KIF21A: variants seen among roughly 807,000 people sequenced by gnomAD.
KIF21A encodes the protein kinesin-like protein KIF21A.
Under a neutral mutation model 202.9 loss-of-function variants are expected in KIF21A, and 114 were observed. The ratio of observed to expected loss-of-function variants is 0.56; its 90% CI spans 0.48 to 0.66. The LOEUF (loss-of-function observed/expected upper bound fraction) is 0.66, where lower values mean the gene tolerates loss of function less well. Ranked by LOEUF, KIF21A falls within the 30% of genes least tolerant of loss-of-function variation. The pLI is 0.00. For missense variants in KIF21A, 1,677 were observed against 1,994.9 expected (o/e 0.84, Z 3.04); for synonymous variants, 667 against 670.8 (o/e 0.99, Z 0.09).
At position 39,442,893 on chromosome 12, in the gene KIF21A, C is replaced by T; in HGVS notation, c.44+34G>A. 3 of 1,522,624 alleles carry T rather than the reference C, an allele frequency of 2.0e-6. No homozygotes were observed. The highest frequency in any genetic ancestry group is 2.6e-6 in the Non-Finnish European group (3 of 1,141,638). The allele number at this position is 1,522,624 out of a possible 1,614,324, so 94.3% of individuals were successfully genotyped here. On this transcript the variant is annotated intron_variant, in intron 1 of 37. Transcript: ENST00000361418. The surrounding 1 kb of genome is among the most constrained non-coding windows in gnomAD (Gnocchi z 5.0). ...GGTCCTTGCCGCGCCCTCAACCCGCCGCCCGCCGCCCGCCGCCGGCAGACT... is the reference window on the plus strand; with the variant it reads ...GGTCCTTGCCGCGCCCTCAACCCGCTGCCCGCCGCCCGCCGCCGGCAGACT...
chr12:39,331,864 C>A, intron 21 of KIF21A, 73 bp from the exon 22 acceptor site: 2 of 1,114,612 alleles, frequency 1.8e-6, no homozygotes, highest in South Asian at 2.5e-5. Context: ...TATTGTTTCA[C>A]ATATTTATTT....
At chr12:39,305,839 A>G (rs1049056843) in intron 34 of KIF21A, among the ~76,000 whole-genome samples, 3 of 152,252 alleles carry the variant, frequency 2.0e-5, no homozygotes, top group Admixed American at 6.5e-5. Context: ...AATCAGTAAC[A>G]ATACTGAGAA....
At chr12:39,294,611 C>T (rs774464463) in intron 37 of KIF21A, 94 bp from the exon 38 acceptor site, 3 of 925,456 alleles carry the variant, frequency 3.2e-6, no homozygotes, top group Non-Finnish European at 5.2e-6. Context: ...ATATTTTCTA[C>T]ATAGGTCTTC....
At chr12:39,319,197 C>T (rs1944929515) in intron 28 of KIF21A, among the ~76,000 whole-genome samples, 1 of 152,166 alleles carries the variant, frequency 6.6e-6, no homozygotes, top group South Asian at 2.1e-4. Context: ...AATGTAAATT[C>T]GCATAAATGC....
chr12:39,440,564 T>A (rs1371416282), intron 1 of KIF21A, among the ~76,000 whole-genome samples: 1 of 152,196 alleles, frequency 6.6e-6, no homozygotes, highest in Non-Finnish European at 1.5e-5. Flanking sequence ...GAAATCAGGA[T>A]AACAGAGACG....
At chr12:39,302,898 G>A in intron 36 of KIF21A, 67 bp downstream of exon 36, 1 of 1,338,800 alleles carries the variant, frequency 7.5e-7, no homozygotes. Flanking sequence ...AGCTCTTCAA[G>A]TTCTTCTACA....
intron 32 of KIF21A, among the ~76,000 whole-genome samples, chr12:39,310,435 T>C (rs1056175813): frequency 3.9e-5 from 6 of 152,010 alleles, no homozygotes; most frequent in Non-Finnish European, 7.4e-5. Context: ...GCAATAAATA[T>C]TTGCTGATTA....
rs2136956777 is a variant in KIF21A at position 39,293,959 on chromosome 12, C to G, written c.*465G>C. 6.1e-6 allele frequency: 1 copy of G among 165,196 alleles called. No homozygotes were observed. Among genetic ancestry groups the G allele is most frequent in the South Asian group, 1.7e-4 (1 of 5,996 alleles). The allele number at this position is 165,196 out of a possible 1,614,324, so 10.2% of individuals were successfully genotyped here. A position where few individuals can be genotyped will look rare whatever the true frequency, so the allele number is the denominator to read the frequency against. ...AGCTTTGAAATTTGGGAATCCACTA[C>G]AGACTGATATAAATACCTGACAAGC... On this transcript the variant is annotated 3_prime_UTR_variant, in exon 38 of 38. Coordinates refer to ENST00000361418, the MANE Select transcript of KIF21A (RefSeq NM_001173464.2).
chr12:39,340,108 C>T (rs1947321104), intron 16 of KIF21A, 57 bp downstream of exon 16: 2 of 1,366,122 alleles, frequency 1.5e-6, no homozygotes, highest in African/African-American at 1.4e-5. Context: ...TATTTTTTGT[C>T]CCAAATGACA....
chr12:39,385,574 T>C (rs538679556), intron 1 of KIF21A, among the ~76,000 whole-genome samples: 2 of 152,202 alleles, frequency 1.3e-5, no homozygotes, highest in Non-Finnish European at 2.9e-5. Context: ...AATATATTTA[T>C]AGAATGTGTA....
At chr12:39,434,750 T>G (rs1423951644) in intron 1 of KIF21A, among the ~76,000 whole-genome samples, 1 of 152,154 alleles carries the variant, frequency 6.6e-6, no homozygotes, top group Non-Finnish European at 1.5e-5. Flanking sequence ...TAAGAAGGAA[T>G]ACAATTGAGG....
chr12:39,398,297 G>T (rs1209182621), intron 1 of KIF21A, among the ~76,000 whole-genome samples: 2 of 152,128 alleles, frequency 1.3e-5, no homozygotes, highest in Non-Finnish European at 2.9e-5. Context: ...CATGCACAAA[G>T]ATATAAACAC....
intron 13 of KIF21A, 97 bp from the exon 14 acceptor site, chr12:39,341,719 T>TA: frequency 1.5e-6 from 2 of 1,330,476 alleles, no homozygotes; most frequent in South Asian, 1.3e-5. Context: ...TACGGAAACA[T>TA]AAAAAAATTC....
chr12:39,349,374 T>C (rs1948176401), intron 11 of KIF21A, among the ~76,000 whole-genome samples: 1 of 152,072 alleles, frequency 6.6e-6, no homozygotes, highest in Non-Finnish European at 1.5e-5. Flanking sequence ...GAACCTCTTG[T>C]ATGTGTAAGG....
intron 22 of KIF21A, 64 bp downstream of exon 22, chr12:39,331,626 T>C (rs1458428005): frequency 9.6e-7 from 1 of 1,046,710 alleles, no homozygotes; most frequent in African/African-American, 1.6e-5. Context: ...TACAGAAAGA[T>C]AAATAAAACT....
rs1949706052 is a variant in KIF21A at position 39,367,909 on chromosome 12, T to G, written c.574A>C (p.Thr192Pro). The G allele has an allele frequency of 2.9e-5, 46 of 1,609,682 alleles. No homozygotes were observed. In the East Asian group the frequency reaches 1.0e-3, roughly 35 times the overall value. Residue 192 changes from threonine (T) to proline (P), a missense_variant, in exon 4 of 38, where the codon ACA (threonine) becomes CCA (proline). Thr to Pro is a conservative substitution (Grantham distance 38, BLOSUM62 -1). Around this residue, in one of 3 missense-constraint regions of KIF21A, gnomAD observed 966 missense variants for 1,180.9 expected, o/e 0.82. Coordinates refer to ENST00000361418, the MANE Select transcript of KIF21A (RefSeq NM_001173464.2). Reference sequence around the variant, plus strand: ...TCTGATTCTGTATTCACAGTACGTGTTGTAACGCCCACAGTATAAATTCCT... The same window carrying G: ...TCTGATTCTGTATTCACAGTACGTGGTGTAACGCCCACAGTATAAATTCCT... Reference protein sequence around the residue: ...TGGIYTVGVTTRTVNTESEMM... With the variant: ...TGGIYTVGVTPRTVNTESEMM...
intron 1 of KIF21A, among the ~76,000 whole-genome samples, chr12:39,433,695 A>C (rs528018770): frequency 6.6e-6 from 1 of 152,238 alleles, no homozygotes; most frequent in Non-Finnish European, 1.5e-5. Context: ...GAAGAACTGT[A>C]CTAATTAAAA....
chr12:39,304,783 A>T, intron 35 of KIF21A, 38 bp downstream of exon 35: 1 of 1,041,018 alleles, frequency 9.6e-7, no homozygotes, highest in Non-Finnish European at 1.5e-6. Context: ...ATTATCATTT[A>T]ATAGACAAAT....
chr12:39,358,147 A>C (rs1948938812), intron 8 of KIF21A, 31 bp downstream of exon 8: 6 of 1,600,218 alleles, frequency 3.7e-6, no homozygotes, highest in Non-Finnish European at 5.1e-6. Context: ...TAGATGTATC[A>C]CAAAATGCAA....
Sources: allele counts gnomAD v4.1 joint callset (sites outside exome capture counted in the v4.1 genomes callset), GRCh38; gene constraint gnomAD v4.1.1; regional missense constraint gnomAD v4.1.1; non-coding constraint Gnocchi (gnomAD v3.1); transcripts MANE v1.5; gene names NCBI Gene and HGNC (gene_info 2026-07-23, HGNC 2026-07-21).